Variants in KIRREL3 observed in about 807,000 individuals in gnomAD.
KIRREL3 encodes the protein kirre like nephrin family adhesion molecule 3.
A neutral mutation model predicts 89.7 loss-of-function variants in KIRREL3; 36 were observed. That is an observed-to-expected ratio of 0.40 (90% CI 0.31 to 0.53). The LOEUF (loss-of-function observed/expected upper bound fraction) is 0.53, where lower values mean the gene tolerates loss of function less well. Ranked by LOEUF, KIRREL3 falls within the 20% of genes least tolerant of loss-of-function variation. The pLI is 0.49. For missense variants in KIRREL3, 864 were observed against 1,056.6 expected (o/e 0.82, Z 2.53); for synonymous variants, 445 against 441.4 (o/e 1.01, Z -0.10).
intron 1 of KIRREL3, among the ~76,000 whole-genome samples, chr11:126,875,862 A>G (rs1266020105): frequency 3.9e-5 from 6 of 152,246 alleles, no homozygotes; most frequent in African/African-American, 1.4e-4. Context: ...GGAAAACATA[A>G]TAACACAGTG....
Position 126,501,365 on chromosome 11 carries a change from A to G in KIRREL3, c.433+19950T>C, listed in dbSNP as rs955781247. Among the ~76,000 whole-genome samples, 6 of 152,104 alleles carry G rather than the reference A, an allele frequency of 3.9e-5. No homozygotes were observed. The highest frequency in any genetic ancestry group is 5.9e-5 in the Non-Finnish European group (4 of 68,012). Reference sequence around the variant, plus strand: ...GAGGGGAAGACGGGGCTGCAGAGGGAGAGGAGCCAGCTTGGGGCCTGGGGT... The same window carrying G: ...GAGGGGAAGACGGGGCTGCAGAGGGGGAGGAGCCAGCTTGGGGCCTGGGGT... On this transcript the variant is annotated intron_variant, in intron 4 of 16. Transcript: ENST00000525144. This position sits in a 1 kb window ranked among gnomAD's most constrained non-coding sequence, Gnocchi z 5.8.
Position 126,555,147 on chromosome 11 carries a change from A to G in KIRREL3, c.133+7688T>C, listed in dbSNP as rs1344315988. On this transcript the variant is annotated intron_variant, in intron 2 of 16. Coordinates refer to ENST00000525144, the MANE Select transcript of KIRREL3 (RefSeq NM_032531.4). This position sits in a 1 kb window ranked among gnomAD's most constrained non-coding sequence, Gnocchi z 4.2. ...GTGCCGAGAGGGCAGGAGCTTGGACACTGCTGTGGGGCCGCACAGAGCCTG... is the reference window on the plus strand; with the variant it reads ...GTGCCGAGAGGGCAGGAGCTTGGACGCTGCTGTGGGGCCGCACAGAGCCTG... 1.3e-5 allele frequency among the ~76,000 whole-genome samples: 2 copies of G among 152,156 alleles called. No individual in the cohort carries two copies.
intron 2 of KIRREL3, among the ~76,000 whole-genome samples, chr11:126,548,223 A>C (rs1374830626): frequency 6.6e-6 from 1 of 152,070 alleles, no homozygotes; most frequent in Non-Finnish European, 1.5e-5. Context: ...TCCCCAATGG[A>C]CCTGAAGTTC....
rs1232453620 is a variant in KIRREL3, at chr11:126,689,360, C to T, written c.56-126448G>A. Among the ~76,000 whole-genome samples, 2 of 152,184 alleles carry T rather than the reference C, an allele frequency of 1.3e-5. No homozygotes were observed. Among genetic ancestry groups the T allele is most frequent in the African/African-American group, 4.8e-5 (2 of 41,460 alleles). The stretch of plus-strand genomic sequence containing the variant: ...TGACCAGGCCATGGAGCTGCCCAGA[C>T]CCCCTGGGAGCCCAGAGTCCCCATC... On this transcript the variant is annotated intron_variant, in intron 1 of 16. Transcript: ENST00000525144. The surrounding 1 kb of genome is among the most constrained non-coding windows in gnomAD (Gnocchi z 5.2).
chr11:126,930,269 G>A (rs1464339073), intron 1 of KIRREL3, among the ~76,000 whole-genome samples: 1 of 152,046 alleles, frequency 6.6e-6, no homozygotes, highest in Non-Finnish European at 1.5e-5. Flanking sequence ...ACATGTTACT[G>A]TGGTAACAGG....
At chr11:126,784,508 G>T (rs1355010388) in intron 1 of KIRREL3, among the ~76,000 whole-genome samples, 2 of 152,104 alleles carry the variant, frequency 1.3e-5, no homozygotes, top group African/African-American at 4.8e-5. Flanking sequence ...CTCCACTTAC[G>T]TCCTCAGTCA....
intron 1 of KIRREL3, chr11:126,944,417 T>C (rs1948555560): frequency 6.6e-6 from 1 of 152,220 alleles, no homozygotes; most frequent in African/African-American, 2.4e-5. Flanking sequence ...GGGCACTTTG[T>C]CCAGGCCTCA....
At position 126,624,629 on chromosome 11, in the gene KIRREL3, G is replaced by T. The variant is rs1041918418; in HGVS notation, c.56-61717C>A. Among the ~76,000 whole-genome samples, 1 of 152,202 alleles carries T rather than the reference G, an allele frequency of 6.6e-6. No individual in the cohort carries two copies. The highest frequency in any genetic ancestry group is 1.5e-5 in the Non-Finnish European group (1 of 68,052). On this transcript the variant is annotated intron_variant, in intron 1 of 16. Coordinates refer to ENST00000525144, the MANE Select transcript of KIRREL3 (RefSeq NM_032531.4). The surrounding 1 kb of genome is among the most constrained non-coding windows in gnomAD (Gnocchi z 6.0). ...CAGAGGCAAGCTGCCTAGGCATGTC[G>T]TGTAATTCAGCATTAAGTATCCTAT...
At chr11:126,447,482 C>T (rs1955864454) in intron 8 of KIRREL3, among the ~76,000 whole-genome samples, 2 of 152,234 alleles carry the variant, frequency 1.3e-5, no homozygotes, top group African/African-American at 4.8e-5. Flanking sequence ...CAGGGTTTCC[C>T]ACCCGGTGCT....
intron 2 of KIRREL3, among the ~76,000 whole-genome samples, chr11:126,545,945 C>T (rs1310580714): frequency 6.6e-6 from 1 of 152,206 alleles, no homozygotes; most frequent in East Asian, 1.9e-4. Context: ...TCTGCTATTT[C>T]CTAGCTGTGT....
In KIRREL3 at chr11:126,995,115, C is replaced by T. The variant is rs1950142179; in HGVS notation, c.55+5340G>A. 1 of 446,366 alleles carries T rather than the reference C, an allele frequency of 2.2e-6. No individual in the cohort carries two copies. The highest frequency in any genetic ancestry group is 7.0e-5 in the East Asian group (1 of 14,230). 27.7% of individuals were successfully genotyped at this position (446,366 alleles called of 1,614,324 possible). On this transcript the variant is annotated intron_variant, in intron 1 of 16. Transcript: ENST00000525144. The surrounding 1 kb of genome is among the most constrained non-coding windows in gnomAD (Gnocchi z 6.5). ...TTACAACCTGGGCGCAGTATACTGG[C>T]TGGCTTTGCTGCTCACTCCCTTACG...
In KIRREL3 at chr11:126,769,340, T is replaced by G. The variant is rs978074785; in HGVS notation, c.56-206428A>C. On this transcript the variant is annotated intron_variant, in intron 1 of 16. Transcript: ENST00000525144. This position sits in a 1 kb window ranked among gnomAD's most constrained non-coding sequence, Gnocchi z 4.3. The stretch of plus-strand genomic sequence containing the variant: ...AGGGTAGGCTCTGTGGAAGCAAATC[T>G]TGAAGGATGGATAGAATTTTGGTGA... 1.3e-5 allele frequency among the ~76,000 whole-genome samples: 2 copies of G among 152,166 alleles called. No individual in the cohort carries two copies. Among genetic ancestry groups the G allele is most frequent in the East Asian group, 3.9e-4 (2 of 5,184 alleles).
Position 126,541,264 on chromosome 11 carries a change from C to A in KIRREL3, c.134-14577G>T, listed in dbSNP as rs1938345367. 6.6e-6 allele frequency among the ~76,000 whole-genome samples: 1 copy of A among 152,184 alleles called. No individual in the cohort carries two copies. The highest frequency in any genetic ancestry group is 2.1e-4 in the South Asian group (1 of 4,824). ...GTACCAGTTGATGCTGCCTCTGCCA[C>A]CTCTTAGCTGTGTGCCCTTGGGCCT... is the stretch of plus-strand genomic sequence containing the variant. On this transcript the variant is annotated intron_variant, in intron 2 of 16. Coordinates refer to ENST00000525144, the MANE Select transcript of KIRREL3 (RefSeq NM_032531.4). The surrounding 1 kb of genome is among the most constrained non-coding windows in gnomAD (Gnocchi z 4.8).
intron 7 of KIRREL3, among the ~76,000 whole-genome samples, chr11:126,449,848 C>T (rs549119880): frequency 7.5e-4 from 114 of 152,354 alleles, no homozygotes; most frequent in African/African-American, 2.6e-3. Flanking sequence ...TGTCTCCTCG[C>T]CCCAGAAAGT....
chr11:126,521,404 A>G lies in KIRREL3; in HGVS notation c.344T>C (p.Leu115Pro). ...HLSGEHHLKI[L>P]RAELQDDAVY... is the part of the protein sequence containing the mutation. ...CGCATCGTCTTGCAGCTCTGCCCTC[A>G]GGATCTTCAGGTGGTGCTCCCCTGA... Residue 115 changes from leucine to proline, a missense_variant, in exon 4 of 17, where the codon CTG becomes CCG. Leu to Pro is a moderately conservative substitution (Grantham distance 98, BLOSUM62 -3). Transcript: ENST00000525144. This position sits in a 1 kb window ranked among gnomAD's most constrained non-coding sequence, Gnocchi z 4.1. The G allele has an allele frequency of 6.4e-7, 1 of 1,572,538 alleles. No homozygotes were observed. Among genetic ancestry groups the G allele is most frequent in the African/African-American group, 1.4e-5 (1 of 73,980 alleles).
At position 126,430,598 on chromosome 11, in the gene KIRREL3, G is replaced by GA. The variant is rs1391145811; in HGVS notation, c.1696+820dup. The stretch of plus-strand genomic sequence containing the variant: ...CCAAGGCTGCTTAGCTCGGAGTGCA[G>GA]AAAATGCAAGGGGAACAGCTTTCTT... On this transcript the variant is annotated intron_variant, in intron 14 of 16. Transcript: ENST00000525144. This position sits in a 1 kb window ranked among gnomAD's most constrained non-coding sequence, Gnocchi z 6.6. Among the ~76,000 whole-genome samples the GA allele has an allele frequency of 2.0e-5, 3 of 152,196 alleles. No homozygotes were observed. The highest frequency in any genetic ancestry group is 2.9e-5 in the Non-Finnish European group (2 of 68,028).
chr11:126,626,672 G>T (rs1943799300), intron 1 of KIRREL3, among the ~76,000 whole-genome samples: 1 of 152,308 alleles, frequency 6.6e-6, no homozygotes, highest in South Asian at 2.1e-4. Flanking sequence ...GTGCCTATCA[G>T]CCCGTTGATA....
In KIRREL3 at chr11:126,628,688, C is replaced by T. The variant is rs1467345663; in HGVS notation, c.56-65776G>A. On this transcript the variant is annotated intron_variant, in intron 1 of 16. Coordinates refer to ENST00000525144, the MANE Select transcript of KIRREL3 (RefSeq NM_032531.4). The surrounding 1 kb of genome is among the most constrained non-coding windows in gnomAD (Gnocchi z 5.2). ...TAGAAACTGACTGTCATTCTCTCTG[C>T]CTCTCCTGAAAGACTAATACTAAGC... Among the ~76,000 whole-genome samples, 1 of 152,186 alleles carries T rather than the reference C, an allele frequency of 6.6e-6. No homozygotes were observed. Among genetic ancestry groups the T allele is most frequent in the Non-Finnish European group, 1.5e-5 (1 of 68,038 alleles).
At chr11:126,721,161 G>A (rs1948155133) in intron 1 of KIRREL3, among the ~76,000 whole-genome samples, 1 of 152,166 alleles carries the variant, frequency 6.6e-6, no homozygotes, top group Non-Finnish European at 1.5e-5. Context: ...CTCAAATTCT[G>A]GTGCTCATTC....
Sources: gnomAD v4.1 joint callset for allele counts (sites outside exome capture counted in the v4.1 genomes callset) on GRCh38, gnomAD v4.1.1 for gene constraint, Gnocchi (gnomAD v3.1) non-coding constraint, MANE v1.5 for transcripts, NCBI Gene and HGNC (gene_info 2026-07-23, HGNC 2026-07-21) for gene names.